Variants in SASH1 observed in about 807,000 individuals in gnomAD.
SASH1 encodes SAM and SH3 domain-containing protein 1.
A neutral mutation model predicts 125.2 loss-of-function variants in SASH1; 44 were observed. The observed-to-expected ratio is 0.35, with a 90% confidence interval of 0.28 to 0.45. The LOEUF (loss-of-function observed/expected upper bound fraction) is 0.45, where lower values mean the gene tolerates loss of function less well. Ranked by LOEUF, SASH1 falls within the 20% of genes least tolerant of loss-of-function variation. SASH1 has a pLI of 1.00. For synonymous variants in SASH1, 639 were observed against 649.1 expected (o/e 0.98, Z 0.24); for missense variants, 1,426 against 1,614.5 (o/e 0.88, Z 2.00).
intron 1 of SASH1, among the ~76,000 whole-genome samples, chr6:148,332,682 T>C (rs1320151474): frequency 6.6e-6 from 1 of 152,008 alleles, no homozygotes; most frequent in Non-Finnish European, 1.5e-5. Context: ...ATTTTGCCAG[T>C]GAGTTTTTAA....
At position 148,550,520 on chromosome 6, in the gene SASH1, T is replaced by C. The variant is rs1449992914; in HGVS notation, c.*1962T>C. 6.6e-6 allele frequency: 1 copy of C among 152,240 alleles called. No individual in the cohort carries two copies. Among genetic ancestry groups the C allele is most frequent in the Non-Finnish European group, 1.5e-5 (1 of 68,046 alleles). 9.4% of individuals were successfully genotyped at this position (152,240 alleles called of 1,614,324 possible). ...TTTTTAAAAAATAATGCATGTTTCTTTAATAATTAATTTTCATCTTCTATA... is the reference window on the plus strand; with the variant it reads ...TTTTTAAAAAATAATGCATGTTTCTCTAATAATTAATTTTCATCTTCTATA... On this transcript the variant is annotated 3_prime_UTR_variant, in exon 20 of 20. Transcript: ENST00000367467.
At position 148,414,338 on chromosome 6, in the gene SASH1, C is replaced by G. The variant is rs371549331; in HGVS notation, c.285+24076C>G. ...TGAATGTAAGAGACTCTTAGGCAGT[C>G]AAGCAGAATGGTTCAGGATGAGGGC... On this transcript the variant is annotated intron_variant, in intron 2 of 19. Transcript: ENST00000367467. Among the ~76,000 whole-genome samples, 6 of 151,820 alleles carry G rather than the reference C, an allele frequency of 4.0e-5. 1 individual carries two copies. The East Asian group carries it at 7.8e-4, about 20-fold the overall frequency.
chr6:148,326,394 C>CTTTTCTTTTCTTTTA, intron 1 of SASH1, among the ~76,000 whole-genome samples: 1 of 68,344 alleles, frequency 1.5e-5, no homozygotes, highest in East Asian at 4.2e-4. Flanking sequence ...CTTTTCTTTT[C>CTTTTCTTTTCTTTTA]TTTTCTTTTC....
intron 19 of SASH1, among the ~76,000 whole-genome samples, chr6:148,547,008 C>T (rs1207520991): frequency 6.6e-6 from 1 of 152,142 alleles, no homozygotes; most frequent in East Asian, 1.9e-4. Context: ...ATATATTATA[C>T]ACAAATTTCT....
chr6:148,332,306 C>T (rs1036469276), intron 1 of SASH1, among the ~76,000 whole-genome samples: 1 of 152,064 alleles, frequency 6.6e-6, no homozygotes, highest in Admixed American at 6.6e-5. Flanking sequence ...TGTAGGAGTG[C>T]CAGAAAGGAT....
At chr6:148,282,019 G>A (rs1012999828) in intron 1 of SASH1, among the ~76,000 whole-genome samples, 1 of 152,202 alleles carries the variant, frequency 6.6e-6, no homozygotes, top group African/African-American at 2.4e-5. Context: ...GTCAGCACTG[G>A]TATAAATGAA....
chr6:148,249,471 A>G, the SASH1 span, among the ~76,000 whole-genome samples: 4 of 152,198 alleles, frequency 2.6e-5, no homozygotes, highest in African/African-American at 9.7e-5. Flanking sequence ...CAGGTGTTCA[A>G]TGCTTCTAGG....
At chr6:148,245,214 A>T in the SASH1 span, among the ~76,000 whole-genome samples, 2 of 152,196 alleles carry the variant, frequency 1.3e-5, no homozygotes, top group Non-Finnish European at 2.9e-5. Context: ...CTCGACACAA[A>T]CACGGTTCCC....
At chr6:148,338,098 G>A (rs1781215824), upstream of SASH1, among the ~76,000 whole-genome samples, 4 of 131,746 alleles carry the variant, frequency 3.0e-5, no homozygotes, top group African/African-American at 7.7e-5. Context: ...GGAATCAAAT[G>A]GAGTATGATA....
At chr6:148,298,756 A>AAAAG (rs1554231141) in intron 1 of SASH1, among the ~76,000 whole-genome samples, 1 of 122,222 alleles carries the variant, frequency 8.2e-6, no homozygotes, top group African/African-American at 3.3e-5. Context: ...AGGAAGGAAG[A>AAAAG]AAAGAGAGAA....
chr6:148,341,106 G>A (rs1193308170), upstream of SASH1, among the ~76,000 whole-genome samples: 6 of 152,046 alleles, frequency 3.9e-5, no homozygotes, highest in Admixed American at 2.0e-4. Flanking sequence ...CTGCACTGCC[G>A]GGGTGAGAGA....
At chr6:148,415,176 AAATT>A (rs1241529619) in intron 2 of SASH1, among the ~76,000 whole-genome samples, 6 of 152,294 alleles carry the variant, frequency 3.9e-5, no homozygotes, top group African/African-American at 1.2e-4. Flanking sequence ...TTGAGAGAAA[AAATT>A]AATTAGTGCT....
At chr6:148,440,075 A>G in intron 2 of SASH1, 109 bp from the exon 3 acceptor site, 1 of 1,000,972 alleles carries the variant, frequency 1.0e-6, no homozygotes, top group African/African-American at 1.6e-5. Context: ...CTCCCACTCT[A>G]TACCCCAACC....
At chr6:148,214,498 A>T in the SASH1 span, among the ~76,000 whole-genome samples, 1 of 152,296 alleles carries the variant, frequency 6.6e-6, no homozygotes. Flanking sequence ...CCCATAGAGG[A>T]GCTTCAAGTA....
chr6:148,448,092 C>T (rs574444433), intron 4 of SASH1, among the ~76,000 whole-genome samples: 54 of 148,046 alleles, frequency 3.6e-4, no homozygotes, highest in Non-Finnish European at 6.5e-4. Context: ...CCTGGACTCT[C>T]CTGCTTCTAT....
the SASH1 span, among the ~76,000 whole-genome samples, chr6:148,251,623 C>T: frequency 6.6e-6 from 1 of 151,732 alleles, no homozygotes; most frequent in Admixed American, 6.6e-5. Context: ...ACATCTGCAG[C>T]TAGTATGAAG....
intron 1 of SASH1, among the ~76,000 whole-genome samples, chr6:148,295,701 A>G (rs2128510494): frequency 6.6e-6 from 1 of 152,298 alleles, no homozygotes; most frequent in East Asian, 1.9e-4. Flanking sequence ...CCAGCAGAAA[A>G]GCACTGTCCC....
chr6:148,362,505 C>G lies in SASH1; in HGVS notation c.156+19282C>G, dbSNP rs1184576375. Among the ~76,000 whole-genome samples the G allele has an allele frequency of 4.0e-5, 6 of 151,894 alleles. 1 individual carries two copies. Among genetic ancestry groups the G allele is most frequent in the Admixed American group, 3.9e-4 (6 of 15,246 alleles). On this transcript the variant is annotated intron_variant, in intron 1 of 19. Coordinates refer to ENST00000367467, the MANE Select transcript of SASH1 (RefSeq NM_015278.5). ...CCCACACAAGGCCTCAGTCTAATGC[C>G]CCTGGTTTTCTCCCCTTTCCTGCTT...
At chr6:148,291,922 G>T (rs1779644696) in intron 1 of SASH1, among the ~76,000 whole-genome samples, 1 of 152,138 alleles carries the variant, frequency 6.6e-6, no homozygotes, top group East Asian at 1.9e-4. Flanking sequence ...AAAGAAGATG[G>T]AAGAGCTTAG....
Sources: allele counts gnomAD v4.1 joint callset (sites outside exome capture counted in the v4.1 genomes callset), GRCh38; gene constraint gnomAD v4.1.1; transcripts MANE v1.5; gene names NCBI Gene and HGNC (gene_info 2026-07-23, HGNC 2026-07-21).